B4GALNT3: variants seen among roughly 807,000 people sequenced by gnomAD.
The protein encoded by B4GALNT3 is beta-1,4-N-acetyl-galactosaminyltransferase 3.
In B4GALNT3, 86 loss-of-function variants were observed where a neutral mutation model predicts 120.2. That is an observed-to-expected ratio of 0.72 (90% CI 0.60 to 0.86). B4GALNT3 has a LOEUF of 0.86. B4GALNT3 is among the 40% of genes least tolerant of loss of function. The probability of loss-of-function intolerance (pLI) is 0.00; values close to 1 mark genes in which losing one functional copy is unlikely to be tolerated. For missense variants in B4GALNT3, 1,167 were observed against 1,298.9 expected (o/e 0.90, Z 1.56); for synonymous variants, 518 against 510.4 (o/e 1.01, Z -0.20).
intron 6 of B4GALNT3, among the ~76,000 whole-genome samples, chr12:545,695 G>T (rs1422148761): frequency 6.9e-6 from 1 of 143,906 alleles, no homozygotes; most frequent in Admixed American, 6.8e-5. Context: ...CGAGGTGTGG[G>T]GAGGAGTGAG....
intron 1 of B4GALNT3, among the ~76,000 whole-genome samples, chr12:503,852 C>T (rs555184538): frequency 2.5e-4 from 38 of 152,298 alleles, no homozygotes; most frequent in South Asian, 6.2e-4. Flanking sequence ...TGGTGGCTCA[C>T]GCCTGTAACC....
chr12:476,147 T>C (rs1946183520), intron 1 of B4GALNT3, among the ~76,000 whole-genome samples: 1 of 152,238 alleles, frequency 6.6e-6, no homozygotes, highest in East Asian at 1.9e-4. Flanking sequence ...GAGCATATTA[T>C]TGAGCCTCAA....
rs1947034698 is a variant in B4GALNT3, at chr12:548,381, GGA to G, written c.853+86_853+87del. ...GGGGATTTGGCAGGGGAGGAGGGGAGGAGGGGAGGAAGGAAGCTCGAGATGCT... is the reference window on the plus strand; with the variant it reads ...GGGGATTTGGCAGGGGAGGAGGGGAGGGGGAGGAAGGAAGCTCGAGATGCT... On this transcript the variant is annotated intron_variant, in intron 9 of 19. Transcript: ENST00000266383. The surrounding 1 kb of genome is among the most constrained non-coding windows in gnomAD (Gnocchi z 4.9). 12 of 1,365,068 alleles carry G rather than the reference GGA, an allele frequency of 8.8e-6. No homozygotes were observed. Among genetic ancestry groups the G allele is most frequent in the Non-Finnish European group, 1.2e-5 (12 of 960,580 alleles). The allele number at this position is 1,365,068 out of a possible 1,614,324, so 84.6% of individuals were successfully genotyped here. A position where few individuals can be genotyped will look rare whatever the true frequency, so the allele number is the denominator to read the frequency against.
chr12:552,681 C>A, intron 13 of B4GALNT3, 153 bp downstream of exon 13: 1 of 669,504 alleles, frequency 1.5e-6, no homozygotes. Context: ...GAGTGGAGAG[C>A]ATGACTCCTG....
Position 549,807 on chromosome 12 carries a change from C to T in B4GALNT3, c.892C>T (p.Pro298Ser). 1 of 1,613,680 alleles carries T rather than the reference C, an allele frequency of 6.2e-7. No homozygotes were observed. Among genetic ancestry groups the T allele is most frequent in the Non-Finnish European group, 8.5e-7 (1 of 1,180,018 alleles). ...ACAGATGGATGAGGTGGGCCACATC[C>T]CACAGACAGCAGCCAGCCACGTGGA... ...FLQMDEVGHI[P>S]QTAASHVDSS... The change falls in exon 10 of 20, where the codon CCA becomes TCA. Residue 298 changes from proline to serine, a missense_variant. Physicochemically the swap from Pro to Ser is moderately conservative, Grantham distance 74. Transcript: ENST00000266383.
At position 460,612 on chromosome 12, in the gene B4GALNT3, G is replaced by A; in HGVS notation, c.169+67G>A. The A allele has an allele frequency of 2.4e-6, 3 of 1,274,056 alleles. No homozygotes were observed. Among genetic ancestry groups the A allele is most frequent in the Non-Finnish European group, 3.0e-6 (3 of 994,862 alleles). 78.9% of individuals were successfully genotyped at this position (1,274,056 alleles called of 1,614,324 possible). A position where few individuals can be genotyped will look rare whatever the true frequency, so the allele number is the denominator to read the frequency against. On this transcript the variant is annotated intron_variant, in intron 1 of 19. Coordinates refer to ENST00000266383, the MANE Select transcript of B4GALNT3 (RefSeq NM_173593.4). The surrounding 1 kb of genome is among the most constrained non-coding windows in gnomAD (Gnocchi z 8.0). Reference sequence around the variant, plus strand: ...GGCGGCGGCGGCTCCTGCGTTGGGGGGACCCGCCTCTCATCCCATCCTCAG... The same window carrying A: ...GGCGGCGGCGGCTCCTGCGTTGGGGAGACCCGCCTCTCATCCCATCCTCAG...
chr12:506,654 T>A (rs924847555), intron 1 of B4GALNT3, among the ~76,000 whole-genome samples: 1 of 152,186 alleles, frequency 6.6e-6, no homozygotes, highest in African/African-American at 2.4e-5. Flanking sequence ...TTATTTTTTT[T>A]GAGACAGAGT....
intron 1 of B4GALNT3, among the ~76,000 whole-genome samples, chr12:510,288 G>C (rs1285377813): frequency 6.6e-6 from 1 of 152,176 alleles, no homozygotes; most frequent in Non-Finnish European, 1.5e-5. Context: ...CTGCCATGCT[G>C]AGCTAGCTGC....
At chr12:506,794 G>A (rs370237885) in intron 1 of B4GALNT3, among the ~76,000 whole-genome samples, 25 of 152,000 alleles carry the variant, frequency 1.6e-4, no homozygotes, top group African/African-American at 5.8e-4. Flanking sequence ...ATACCACCAC[G>A]CCCGGCTAAT....
intron 1 of B4GALNT3, among the ~76,000 whole-genome samples, chr12:511,203 T>G (rs73032473): frequency 4.6e-5 from 7 of 151,516 alleles, no homozygotes; most frequent in Non-Finnish European, 1.0e-4. Flanking sequence ...TAATTTTTGT[T>G]TTTTGTTTTT....
At position 553,668 on chromosome 12, in the gene B4GALNT3, C is replaced by T. The variant is rs1419121467; in HGVS notation, c.1745C>T (p.Ala582Val). ...QRRGDRMRPQ[A>V]PGRGWHGEEE... ...CGGGGTGACAGGATGCGGCCTCAGG[C>T]CCCTGGAAGGGGCTGGCATGGGGAG... The change falls in exon 14 of 20, where the codon GCC becomes GTC. Residue 582 changes from alanine (A) to valine (V), a missense_variant. Transcript: ENST00000266383. 4 of 1,613,990 alleles carry T rather than the reference C, an allele frequency of 2.5e-6. No homozygotes were observed. The highest frequency in any genetic ancestry group is 2.7e-5 in the African/African-American group (2 of 75,046).
chr12:502,333 G>A lies in B4GALNT3; in HGVS notation c.170-32833G>A, dbSNP rs552926916. On this transcript the variant is annotated intron_variant, in intron 1 of 19. Coordinates refer to ENST00000266383, the MANE Select transcript of B4GALNT3 (RefSeq NM_173593.4). ...GGTGCTCTGACTTGGAGCAACTGTC[G>A]TAGTTAAGCGCCTCTTCTGCCTGGC... Among the ~76,000 whole-genome samples, 9 of 152,262 alleles carry A rather than the reference G, an allele frequency of 5.9e-5. No individual in the cohort carries two copies. In the South Asian group the frequency reaches 1.5e-3, roughly 25 times the overall value.
chr12:510,444 T>TG (rs549996742), intron 1 of B4GALNT3, among the ~76,000 whole-genome samples: 565 of 98,744 alleles, frequency 5.7e-3, no homozygotes, highest in Non-Finnish European at 9.3e-3. Context: ...AGACACTCCA[T>TG]GGGGGGGTTG....
chr12:553,751 GA>G lies in B4GALNT3; in HGVS notation c.1830del (p.Glu611LysfsTer8). On this transcript the variant is annotated frameshift_variant, in exon 14 of 20. Coordinates refer to ENST00000266383, the MANE Select transcript of B4GALNT3 (RefSeq NM_173593.4). LOFTEE classifies it high-confidence loss of function. ...EGQVEGEEEG[E>X]EEEEEEDMSE... is the part of the protein sequence containing the mutation. ...ACAAGTGGAGGGAGAGGAAGAGGGGGAAGAAGAGGAGGAGGAAGAGGATATG... is the reference window on the plus strand; with the variant it reads ...ACAAGTGGAGGGAGAGGAAGAGGGGGAGAAGAGGAGGAGGAAGAGGATATG... 6.2e-7 allele frequency: 1 copy of G among 1,614,190 alleles called. No homozygotes were observed. The highest frequency in any genetic ancestry group is 8.5e-7 in the Non-Finnish European group (1 of 1,180,006).
intron 1 of B4GALNT3, among the ~76,000 whole-genome samples, chr12:461,554 C>A (rs1472002104): frequency 9.2e-5 from 14 of 152,166 alleles, no homozygotes; most frequent in Admixed American, 9.2e-4. Context: ...CCCGGGGAGC[C>A]GAGGTTCAAA....
intron 9 of B4GALNT3, among the ~76,000 whole-genome samples, chr12:549,207 C>A (rs953520383): frequency 3.3e-5 from 5 of 152,128 alleles, no homozygotes; most frequent in Admixed American, 2.6e-4. Flanking sequence ...CCCCCCACCC[C>A]CCTTCTCTGT....
intron 16 of B4GALNT3, 38 bp from the exon 17 acceptor site, chr12:557,978 T>C (rs776674960): frequency 1.1e-5 from 17 of 1,605,552 alleles, no homozygotes; most frequent in Non-Finnish European, 6.8e-6. Context: ...CCACCGCAGC[T>C]GAGTCCTGAT....
At chr12:558,890 C>T (rs1288918187) in intron 18 of B4GALNT3, among the ~76,000 whole-genome samples, 2 of 151,668 alleles carry the variant, frequency 1.3e-5, no homozygotes, top group African/African-American at 2.4e-5. Context: ...GCCGTCTTCT[C>T]CTTGATTCAT....
intron 1 of B4GALNT3, among the ~76,000 whole-genome samples, chr12:472,502 A>G (rs1437963034): frequency 6.6e-6 from 1 of 151,702 alleles, no homozygotes; most frequent in Non-Finnish European, 1.5e-5. Flanking sequence ...AGGCTGGTGC[A>G]TCTTGGCTCA....
Sources: allele counts gnomAD v4.1 joint callset (sites outside exome capture counted in the v4.1 genomes callset), GRCh38; gene constraint gnomAD v4.1.1; non-coding constraint Gnocchi (gnomAD v3.1); transcripts MANE v1.5; gene names NCBI Gene and HGNC (gene_info 2026-07-23, HGNC 2026-07-21).